The following LTK variants were observed in gnomAD, a reference collection of about 807,000 sequenced individuals.
The protein encoded by LTK is leukocyte tyrosine kinase receptor.
LTK carries 117 observed loss-of-function variants against 101.5 expected under a neutral mutation model. The ratio of observed to expected loss-of-function variants is 1.15; its 90% confidence interval spans 0.99 to 1.34. The LOEUF (loss-of-function observed/expected upper bound fraction) is 1.34. Ranked by LOEUF, LTK falls within the 40% of genes most tolerant of loss-of-function variation. The pLI is 0.00. For synonymous variants in LTK, 563 were observed against 494.2 expected, an observed-to-expected ratio of 1.14 and a Z score of -1.85; for missense variants, 1,252 against 1,164.7, an observed-to-expected ratio of 1.07 and a Z score of -1.09.
At chr15:41,506,577 T>C (rs1467990066) in intron 11 of LTK, among the ~76,000 whole-genome samples, 1 of 151,164 alleles carries the variant, frequency 6.6e-6, no homozygotes, top group Non-Finnish European at 1.5e-5. Context: ...AGTGCTGAGA[T>C]TACAGGCGCC....
At chr15:41,507,984 C>G in intron 9 of LTK, 85 bp downstream of exon 9, 1 of 1,430,566 alleles carries the variant, frequency 7.0e-7, no homozygotes, top group Non-Finnish European at 9.4e-7. Flanking sequence ...CACAGCAAAT[C>G]TCTATACCAT....
chr15:41,512,884 AG>A lies in LTK; in HGVS notation c.188-7del, dbSNP rs2140737320. The A allele has an allele frequency of 6.2e-7, 1 of 1,609,310 alleles. No homozygotes were observed. The highest frequency in any genetic ancestry group is 8.5e-7 in the Non-Finnish European group (1 of 1,177,134). On this transcript the variant is annotated splice_polypyrimidine_tract_variant and splice_region_variant and intron_variant, in intron 2 of 19. Coordinates refer to ENST00000263800, the MANE Select transcript of LTK (RefSeq NM_002344.6). ...CAGCCAAGACCCCTCGGTGCCTGAG[AG>A]CAAGGAGCGAGGCAAGGGTCGTCGA...
At position 41,505,472 on chromosome 15, in the gene LTK, G is replaced by A. The variant is rs202096075; in HGVS notation, c.1756C>T (p.Arg586Cys). The change falls in exon 14 of 20, where the codon CGC becomes TGC. Residue 586 changes from arginine to cysteine, a missense_variant. Transcript: ENST00000263800. Reference protein sequence around the residue: ...CVGLSLRATPRLILLELMSGG... With the variant: ...CVGLSLRATPCLILLELMSGG... ...GACATCAGTTCCAGCAGAATGAGGCGAGGGGTGGCCCTGAGGCTGAGCCCC... is the reference window on the plus strand; with the variant it reads ...GACATCAGTTCCAGCAGAATGAGGCAAGGGGTGGCCCTGAGGCTGAGCCCC... 19 of 1,613,984 alleles carry A rather than the reference G, an allele frequency of 1.2e-5. No individual in the cohort carries two copies. Among genetic ancestry groups the A allele is most frequent in the African/African-American group, 2.7e-5 (2 of 74,918 alleles).
chr15:41,506,165 A>C (rs573190774), intron 11 of LTK, among the ~76,000 whole-genome samples, 160 bp from the exon 12 acceptor site: 2 of 152,332 alleles, frequency 1.3e-5, no homozygotes, highest in Admixed American at 1.3e-4. Context: ...AAGCCCTGCA[A>C]GGGTGGTGCT....
intron 8 of LTK, 160 bp from the exon 9 acceptor site, chr15:41,508,381 C>A (rs1273364182): frequency 2.0e-6 from 1 of 506,160 alleles, no homozygotes; most frequent in Non-Finnish European, 3.3e-6. Flanking sequence ...CCAGCCTGGC[C>A]AACCCCGCCT....
Position 41,511,504 on chromosome 15 carries a change from G to A in LTK, c.732C>T (p.Asp244=). The A allele has an allele frequency of 6.8e-7, 1 of 1,478,786 alleles. No homozygotes were observed. Among genetic ancestry groups the A allele is most frequent in the South Asian group, 1.3e-5 (1 of 75,296 alleles). 91.6% of individuals were successfully genotyped at this position (1,478,786 alleles called of 1,614,324 possible). Reference sequence around the variant, plus strand: ...CGGGGGAGGCCTGAGTCCGGCCTCGGTCCCGCGGCCTCAGGTAGGCCCGAC... The same window carrying A: ...CGGGGGAGGCCTGAGTCCGGCCTCGATCCCGCGGCCTCAGGTAGGCCCGAC... ...GGGRAYLRPR[D]RGRTQASPEK... Residue 244 remains aspartate (D), a synonymous_variant, in exon 6 of 20, where the codon GAC becomes GAT. Coordinates refer to ENST00000263800, the MANE Select transcript of LTK (RefSeq NM_002344.6). The surrounding 1 kb of genome is among the most constrained non-coding windows in gnomAD (Gnocchi z 5.9).
chr15:41,509,677 G>T (rs1164644245), intron 7 of LTK, among the ~76,000 whole-genome samples: 1 of 152,034 alleles, frequency 6.6e-6, no homozygotes, highest in African/African-American at 2.4e-5. Flanking sequence ...TGACCAACAT[G>T]GTGAAACCCC....
intron 1 of LTK, 67 bp downstream of exon 1, chr15:41,513,600 C>T: frequency 6.9e-7 from 1 of 1,454,908 alleles, no homozygotes; most frequent in African/African-American, 1.4e-5. Flanking sequence ...GCCTGTTGAC[C>T]GGCCACCCCC....
Position 41,511,090 on chromosome 15 carries a change from C to G in LTK, c.997+74G>C, listed in dbSNP as rs1208491047. 4 of 1,302,016 alleles carry G rather than the reference C, an allele frequency of 3.1e-6. No homozygotes were observed. Among genetic ancestry groups the G allele is most frequent in the South Asian group, 2.5e-5 (1 of 40,482 alleles). 80.7% of individuals were successfully genotyped at this position (1,302,016 alleles called of 1,614,324 possible). The stretch of plus-strand genomic sequence containing the variant: ...TCCCACACCTATCCTCCCGAGGGCT[C>G]CGGCCTGTACTTAGGTTCTAACATC... On this transcript the variant is annotated intron_variant, in intron 7 of 19. Coordinates refer to ENST00000263800, the MANE Select transcript of LTK (RefSeq NM_002344.6). This position sits in a 1 kb window ranked among gnomAD's most constrained non-coding sequence, Gnocchi z 5.9.
Position 41,505,244 on chromosome 15 carries a change from C to T in LTK, c.1889G>A (p.Gly630Asp), listed in dbSNP as rs757002264. The part of the protein sequence containing the change: ...LLQLAQDIAQ[G>D]CHYLEENHFI... ...GTGATTTTCCTCCAGGTAGTGGCAGCCCTGGGCTATGTCCTGGGCCAGTTG... is the reference window on the plus strand; with the variant it reads ...GTGATTTTCCTCCAGGTAGTGGCAGTCCTGGGCTATGTCCTGGGCCAGTTG... The change falls in exon 15 of 20, where the codon GGC becomes GAC. Residue 630 changes from glycine to aspartate, a missense_variant. Transcript: ENST00000263800. 1.2e-6 allele frequency: 2 copies of T among 1,613,778 alleles called. No homozygotes were observed. Among genetic ancestry groups the T allele is most frequent in the Non-Finnish European group, 8.5e-7 (1 of 1,179,998 alleles).
Position 41,505,077 on chromosome 15 carries a change from CAA to C in LTK, c.1926-15_1926-14del. The stretch of plus-strand genomic sequence containing the variant: ...GGCGGCAATATCCCTACAGAGTAGG[CAA>C]AAAAAATCACTGCCAGAATCTAGAA... On this transcript the variant is annotated splice_polypyrimidine_tract_variant and intron_variant, in intron 15 of 19. Coordinates refer to ENST00000263800, the MANE Select transcript of LTK (RefSeq NM_002344.6). 1 of 1,595,892 alleles carries C rather than the reference CAA, an allele frequency of 6.3e-7. No homozygotes were observed. Among genetic ancestry groups the C allele is most frequent in the Non-Finnish European group, 8.6e-7 (1 of 1,169,560 alleles).
At position 41,505,298 on chromosome 15, in the gene LTK, G is replaced by A. The variant is rs1041265745; in HGVS notation, c.1835C>T (p.Pro612Leu). ...CAGGTCCCGCATGACCAGAGGTGAT[G>A]GCTGGCCCTGGGTCAGGCAGAGGGG... ...LRHSRPHLGQ[P>L]SPLVMRDLLQ... The change falls in exon 15 of 20, where the codon CCA becomes CTA. Residue 612 changes from proline (P) to leucine (L), a missense_variant. By Grantham distance (98) the Pro-to-Leu change is moderately conservative (BLOSUM62 -3). Coordinates refer to ENST00000263800, the MANE Select transcript of LTK (RefSeq NM_002344.6). 1.2e-6 allele frequency: 2 copies of A among 1,614,006 alleles called. No individual in the cohort carries two copies. The highest frequency in any genetic ancestry group is 1.7e-6 in the Non-Finnish European group (2 of 1,179,974).
intron 7 of LTK, 113 bp from the exon 8 acceptor site, chr15:41,509,242 C>T: frequency 1.4e-6 from 1 of 730,336 alleles, no homozygotes; most frequent in Non-Finnish European, 2.5e-6. Context: ...CATCATGATG[C>T]AAATGCTGTC....
Position 41,511,513 on chromosome 15 carries a change from C to T in LTK, c.723G>A (p.Arg241=). The T allele has an allele frequency of 6.7e-7, 1 of 1,482,704 alleles. No homozygotes were observed. Among genetic ancestry groups the T allele is most frequent in the Non-Finnish European group, 8.9e-7 (1 of 1,126,892 alleles). 91.8% of individuals were successfully genotyped at this position (1,482,704 alleles called of 1,614,324 possible). A position where few individuals can be genotyped will look rare whatever the true frequency, so the allele number is the denominator to read the frequency against. The part of the protein sequence containing the change: ...AAGGGGRAYL[R]PRDRGRTQAS... Reference sequence around the variant, plus strand: ...CCTGAGTCCGGCCTCGGTCCCGCGGCCTCAGGTAGGCCCGACCGCCGCCTC... The same window carrying T: ...CCTGAGTCCGGCCTCGGTCCCGCGGTCTCAGGTAGGCCCGACCGCCGCCTC... The change falls in exon 6 of 20, where the codon AGG becomes AGA. Residue 241 remains arginine (R), a synonymous_variant. Transcript: ENST00000263800. This position sits in a 1 kb window ranked among gnomAD's most constrained non-coding sequence, Gnocchi z 5.9.
Position 41,513,748 on chromosome 15 carries a change from C to A in LTK, c.-39G>T. 2 of 1,580,862 alleles carry A rather than the reference C, an allele frequency of 1.3e-6. No homozygotes were observed. Among genetic ancestry groups the A allele is most frequent in the South Asian group, 1.1e-5 (1 of 90,410 alleles). ...ACCCGGCAACAAAAGCCCTTGCGGT[C>A]GCGGCCACACCCCTGTCAACCTAAA... On this transcript the variant is annotated 5_prime_UTR_variant, in exon 1 of 20. Coordinates refer to ENST00000263800, the MANE Select transcript of LTK (RefSeq NM_002344.6).
Position 41,504,089 on chromosome 15 carries a change from G to A in LTK, c.2502C>T (p.Ser834=). Residue 834 remains serine (S), a synonymous_variant, in exon 20 of 20, where the codon AGC becomes AGT. Coordinates refer to ENST00000263800, the MANE Select transcript of LTK (RefSeq NM_002344.6). Reference sequence around the variant, plus strand: ...CAGAGGACAGCCAGGGGCCAAGAGGGCTACCTCCCCAGCTTTTCAACTTCT... The same window carrying A: ...CAGAGGACAGCCAGGGGCCAAGAGGACTACCTCCCCAGCTTTTCAACTTCT... ...SPEKLKSWGG[S]PLGPWLSSGL... The A allele has an allele frequency of 6.2e-7, 1 of 1,614,060 alleles. No individual in the cohort carries two copies. Among genetic ancestry groups the A allele is most frequent in the Non-Finnish European group, 8.5e-7 (1 of 1,180,026 alleles).
At position 41,504,142 on chromosome 15, in the gene LTK, G is replaced by T; in HGVS notation, c.2449C>A (p.Pro817Thr). 6.2e-7 allele frequency: 1 copy of T among 1,614,034 alleles called. No individual in the cohort carries two copies. Among genetic ancestry groups the T allele is most frequent in the Non-Finnish European group, 8.5e-7 (1 of 1,179,992 alleles). Residue 817 changes from proline (P) to threonine (T), a missense_variant, in exon 20 of 20, where the codon CCC becomes ACC. By Grantham distance (38) the Pro-to-Thr change is conservative. Coordinates refer to ENST00000263800, the MANE Select transcript of LTK (RefSeq NM_002344.6). ...LGNRSLECLR[P>T]PQPQELSPEK... ...GGACTCAGTTCCTGGGGCTGTGGGG[G>T]TCTTAGGCACTCCAAAGATCTGTTC... is the stretch of plus-strand genomic sequence containing the variant.
Position 41,513,771 on chromosome 15 carries a change from A to C in LTK, c.-62T>G. ...GTCGCGGCCACACCCCTGTCAACCT[A>C]AAGTTGACAGCTCATTTTGCCACGG... On this transcript the variant is annotated 5_prime_UTR_variant, in exon 1 of 20. The change abolishes the stop of an existing upstream ORF in the 5' untranslated region. Transcript: ENST00000263800. 7.0e-7 allele frequency: 1 copy of C among 1,433,794 alleles called. No individual in the cohort carries two copies. The highest frequency in any genetic ancestry group is 1.1e-5 in the South Asian group (1 of 87,642). The allele number at this position is 1,433,794 out of a possible 1,614,324, so 88.8% of individuals were successfully genotyped here.
chr15:41,513,614 C>A (rs1350510796), intron 1 of LTK, 53 bp downstream of exon 1: 4 of 1,579,296 alleles, frequency 2.5e-6, no homozygotes, highest in Non-Finnish European at 3.5e-6. Context: ...CACCCCCAAG[C>A]CTAGGAAAGT....
Sources: allele counts gnomAD v4.1 joint callset (sites outside exome capture counted in the v4.1 genomes callset), GRCh38; gene constraint gnomAD v4.1.1; non-coding constraint Gnocchi (gnomAD v3.1); transcripts MANE v1.5; gene names NCBI Gene and HGNC (gene_info 2026-07-23, HGNC 2026-07-21).